Variants in WWOX observed in about 807,000 individuals in gnomAD.
The protein encoded by WWOX is WW domain containing oxidoreductase.
A neutral mutation model predicts 46.2 loss-of-function variants in WWOX; 69 were observed. The observed-to-expected ratio is 1.49, with a 90% CI of 1.23 to 1.82. The LOEUF (loss-of-function observed/expected upper bound fraction) is 1.82. Among genes scored for constraint, WWOX ranks in the 40% most tolerant of loss-of-function variants. WWOX has a pLI of 0.00. For synonymous variants in WWOX, 359 were observed against 202.6 expected (o/e 1.77, Z -6.56); for missense variants, 919 against 542.6 (o/e 1.69, Z -6.89).
intron 8 of WWOX, among the ~76,000 whole-genome samples, chr16:78,820,599 A>G (rs535418054): frequency 3.3e-5 from 5 of 152,112 alleles, no homozygotes; most frequent in Non-Finnish European, 7.3e-5. Context: ...AAATATAATG[A>G]CAACCTTGGT....
At chr16:79,116,099 A>G (rs1426307987) in intron 8 of WWOX, among the ~76,000 whole-genome samples, 2 of 152,236 alleles carry the variant, frequency 1.3e-5, no homozygotes, top group African/African-American at 2.4e-5. Flanking sequence ...AAAATATTTC[A>G]TTACTAAAAA....
At chr16:78,300,430 C>T (rs540610941) in intron 5 of WWOX, among the ~76,000 whole-genome samples, 1 of 152,138 alleles carries the variant, frequency 6.6e-6, no homozygotes, top group African/African-American at 2.4e-5. Context: ...GTGTCACCTG[C>T]CACCTTTTTA....
chr16:79,028,347 G>A (rs371717243), intron 8 of WWOX, among the ~76,000 whole-genome samples: 4 of 151,772 alleles, frequency 2.6e-5, no homozygotes, highest in African/African-American at 9.7e-5. Context: ...GTATCGTTAG[G>A]CATGTTCAAA....
At chr16:78,386,495 T>A (rs2082062855) in intron 5 of WWOX, among the ~76,000 whole-genome samples, 1 of 152,188 alleles carries the variant, frequency 6.6e-6, no homozygotes, top group Non-Finnish European at 1.5e-5. Flanking sequence ...CATTGCATCT[T>A]TCCATGATCG....
intron 8 of WWOX, among the ~76,000 whole-genome samples, chr16:78,528,086 C>G (rs1216200441): frequency 4.2e-5 from 6 of 142,220 alleles, no homozygotes; most frequent in Admixed American, 3.0e-4. Flanking sequence ...GCAAGTTCTG[C>G]CTCCTGGGTT....
intron 8 of WWOX, among the ~76,000 whole-genome samples, chr16:79,002,213 C>CTT (rs67180105): frequency 0.016 from 651 of 41,342 alleles, 157 homozygotes; most frequent in African/African-American, 0.053. Flanking sequence ...GGTGTCCTGC[C>CTT]TTTTTTTTTT....
At chr16:79,154,313 C>G (rs775222164) in intron 8 of WWOX, among the ~76,000 whole-genome samples, 3 of 152,158 alleles carry the variant, frequency 2.0e-5, no homozygotes, top group Non-Finnish European at 4.4e-5. Flanking sequence ...TTGTTTCCAG[C>G]TGAGTTTCCT....
chr16:79,070,892 T>A (rs921420959), intron 8 of WWOX, among the ~76,000 whole-genome samples: 2 of 152,158 alleles, frequency 1.3e-5, no homozygotes, highest in Non-Finnish European at 2.9e-5. Flanking sequence ...CAGAAACTTT[T>A]TGAAGTAGCA....
At chr16:78,309,691 T>G (rs77218746) in intron 5 of WWOX, among the ~76,000 whole-genome samples, 1 of 152,304 alleles carries the variant, frequency 6.6e-6, no homozygotes, top group African/African-American at 2.4e-5. Context: ...TTAAATATTT[T>G]AGAGTTTCAC....
At chr16:78,827,149 G>A (rs1339733566) in intron 8 of WWOX, among the ~76,000 whole-genome samples, 3 of 152,204 alleles carry the variant, frequency 2.0e-5, no homozygotes, top group Non-Finnish European at 2.9e-5. Flanking sequence ...ATCAAATTTA[G>A]CTGTTCCCCC....
chr16:79,115,775 T>C (rs896771037), intron 8 of WWOX, among the ~76,000 whole-genome samples: 19 of 152,054 alleles, frequency 1.2e-4, no homozygotes, highest in Admixed American at 1.2e-3. Flanking sequence ...AGAAAAACAC[T>C]TCACAGGATC....
At chr16:78,848,356 A>G (rs1198075121) in intron 8 of WWOX, among the ~76,000 whole-genome samples, 1 of 152,160 alleles carries the variant, frequency 6.6e-6, no homozygotes, top group African/African-American at 2.4e-5. Context: ...GTCTAACTAA[A>G]TGCACTGTAT....
intron 8 of WWOX, among the ~76,000 whole-genome samples, chr16:78,651,532 T>A (rs1158108219): frequency 1.3e-5 from 2 of 152,220 alleles, no homozygotes; most frequent in Non-Finnish European, 2.9e-5. Flanking sequence ...CTATCCTTGA[T>A]GCTCACCTGA....
Position 78,946,774 on chromosome 16 carries a change from C to T in WWOX, c.1057-264834C>T, listed in dbSNP as rs187562092. Among the ~76,000 whole-genome samples the T allele has an allele frequency of 8.6e-5, 11 of 127,238 alleles. No homozygotes were observed. In the East Asian group the frequency reaches 2.1e-3, roughly 25 times the overall value. The allele number at this position is 127,238 out of a possible 152,430, so 83.5% of individuals were successfully genotyped here. A position where few individuals can be genotyped will look rare whatever the true frequency, so the allele number is the denominator to read the frequency against. The stretch of plus-strand genomic sequence containing the variant: ...AGTGGTCCACAGAATTGGCAGTGAG[C>T]CCCCGGGGGAGCTCAGTGCAAGACA... On this transcript the variant is annotated intron_variant, in intron 8 of 8. Coordinates refer to ENST00000566780, the MANE Select transcript of WWOX (RefSeq NM_016373.4).
At chr16:78,575,980 T>A (rs900892056) in intron 8 of WWOX, among the ~76,000 whole-genome samples, 2 of 151,970 alleles carry the variant, frequency 1.3e-5, no homozygotes, top group African/African-American at 4.9e-5. Flanking sequence ...CAAAATTATT[T>A]TTTTCATTTT....
intron 8 of WWOX, among the ~76,000 whole-genome samples, chr16:79,179,242 T>C (rs1411654324): frequency 6.6e-6 from 1 of 152,232 alleles, no homozygotes; most frequent in Admixed American, 6.5e-5. Flanking sequence ...AGGTAAGCAA[T>C]GCTTACTTGA....
At chr16:79,090,639 G>C (rs2048940923) in intron 8 of WWOX, among the ~76,000 whole-genome samples, 1 of 152,164 alleles carries the variant, frequency 6.6e-6, no homozygotes, top group African/African-American at 2.4e-5. Flanking sequence ...CCTGTGGACA[G>C]ATTCCTGTCC....
At chr16:78,110,026 C>G (rs1031410889) in intron 3 of WWOX, among the ~76,000 whole-genome samples, 191 bp downstream of exon 3, 2 of 151,718 alleles carry the variant, frequency 1.3e-5, no homozygotes, top group Non-Finnish European at 2.9e-5. Context: ...TCTATTTTCC[C>G]CGCACACGCA....
chr16:78,421,120 G>C (rs2082917896), intron 6 of WWOX, among the ~76,000 whole-genome samples: 2 of 152,138 alleles, frequency 1.3e-5, no homozygotes, highest in African/African-American at 4.8e-5. Context: ...TGAATATTAG[G>C]AAATAATCTT....
Sources: allele counts gnomAD v4.1 joint callset (sites outside exome capture counted in the v4.1 genomes callset), GRCh38; gene constraint gnomAD v4.1.1; transcripts MANE v1.5; gene names NCBI Gene and HGNC (gene_info 2026-07-23, HGNC 2026-07-21).